Variants in AFP observed in about 807,000 individuals in gnomAD.
The protein encoded by AFP is alpha-fetoprotein.
AFP carries 64 observed loss-of-function variants against 78.9 expected under a neutral mutation model. That is an observed-to-expected ratio of 0.81 (90% CI 0.66 to 1.00). AFP has a LOEUF of 1.00. Among genes scored for constraint, AFP ranks in the 50% least tolerant of loss-of-function variants. The probability of loss-of-function intolerance (pLI) is 0.00; values close to 1 mark genes in which losing one functional copy is unlikely to be tolerated. For missense variants in AFP, 689 were observed against 703.8 expected, an observed-to-expected ratio of 0.98 and a Z score of 0.24; for synonymous variants, 254 against 243.8, an observed-to-expected ratio of 1.04 and a Z score of -0.39.
intron 8 of AFP, among the ~76,000 whole-genome samples, chr4:73,448,968 G>A (rs1719908181): frequency 6.6e-6 from 1 of 152,086 alleles, no homozygotes; most frequent in South Asian, 2.1e-4. Context: ...TCCCTATAAT[G>A]TGTGCTTTTC....
intron 10 of AFP, 38 bp from the exon 11 acceptor site, chr4:73,450,577 T>TG (rs774935010): frequency 1.2e-6 from 2 of 1,613,866 alleles, no homozygotes; most frequent in Admixed American, 3.3e-5. Flanking sequence ...AACTCATGAA[T>TG]GACTCAGCAG....
chr4:73,451,682 C>T (rs1409304171), intron 11 of AFP, among the ~76,000 whole-genome samples: 2 of 152,158 alleles, frequency 1.3e-5, no homozygotes, highest in African/African-American at 2.4e-5. Context: ...CAACTTATGT[C>T]ATTAAGCTTG....
chr4:73,453,053 G>T (rs907642130), intron 12 of AFP, among the ~76,000 whole-genome samples: 1 of 152,060 alleles, frequency 6.6e-6, no homozygotes, highest in Non-Finnish European at 1.5e-5. Context: ...ATGCAGTTTG[G>T]GTGTTAAGAA....
At chr4:73,450,807 A>G in intron 11 of AFP, 54 bp downstream of exon 11, 2 of 1,611,926 alleles carry the variant, frequency 1.2e-6, no homozygotes, top group Non-Finnish European at 1.7e-6. Flanking sequence ...TTGACTTGAA[A>G]TAGCCTCATA....
chr4:73,445,757 G>A (rs1353600061), intron 7 of AFP, among the ~76,000 whole-genome samples: 1 of 152,188 alleles, frequency 6.6e-6, no homozygotes. Context: ...TGTGAATAAA[G>A]TGGTCTCGGA....
chr4:73,436,314 T>A lies in AFP; in HGVS notation c.52T>A (p.Ser18Thr). The A allele has an allele frequency of 1.2e-6, 2 of 1,601,370 alleles. No individual in the cohort carries two copies. The highest frequency in any genetic ancestry group is 1.7e-6 in the Non-Finnish European group (2 of 1,170,744). The change falls in exon 1 of 15, where the codon TCC (serine) becomes ACC (threonine). Residue 18 changes from serine (S) to threonine (T), a missense_variant. Coordinates refer to ENST00000395792, the MANE Select transcript of AFP (RefSeq NM_001134.3). ...AATTTTCCTACTAAATTTTACTGAA[T>A]CCAGAACACTGCATAGAAATGAATA... Reference protein sequence around the residue: ...FLIFLLNFTESRTLHRNEYGI... With the variant: ...FLIFLLNFTETRTLHRNEYGI...
intron 3 of AFP, among the ~76,000 whole-genome samples, 198 bp from the exon 4 acceptor site, chr4:73,440,404 G>A (rs1371125736): frequency 6.6e-6 from 1 of 152,086 alleles, no homozygotes; most frequent in Non-Finnish European, 1.5e-5. Flanking sequence ...TTATTGTTTG[G>A]ACATTAAAGT....
chr4:73,450,259 A>C (rs552927576), intron 10 of AFP, 126 bp downstream of exon 10: 1 of 842,746 alleles, frequency 1.2e-6, no homozygotes, highest in South Asian at 1.6e-5. Flanking sequence ...ATTGACTTTA[A>C]GTTCCCCATA....
chr4:73,437,945 T>A lies in AFP; in HGVS notation c.138-229T>A, dbSNP rs149016294. ...CACTCTTATGGGAAATCCACTTATT[T>A]TAGCCTTTAACATCTATATGTATAT... On this transcript the variant is annotated intron_variant, in intron 2 of 14. Transcript: ENST00000395792. Among the ~76,000 whole-genome samples the A allele has an allele frequency of 8.5e-5, 13 of 152,168 alleles. No individual in the cohort carries two copies. The East Asian group carries it at 2.5e-3, about 29-fold the overall frequency.
chr4:73,437,029 G>A (rs1719528768), intron 1 of AFP, 131 bp from the exon 2 acceptor site: 4 of 721,550 alleles, frequency 5.5e-6, no homozygotes, highest in Admixed American at 2.3e-5. Context: ...AGATGCTTAG[G>A]TTATCCCTAA....
At position 73,455,923 on chromosome 4, in the gene AFP, A is replaced by G; in HGVS notation, c.*303A>G. On this transcript the variant is annotated 3_prime_UTR_variant, in exon 15 of 15. Coordinates refer to ENST00000395792, the MANE Select transcript of AFP (RefSeq NM_001134.3). ...AGCTATCCAAGGATGGATTTACAGC[A>G]CTAGATCACTTGGTGAACTGAAAAA... 1 of 403,214 alleles carries G rather than the reference A, an allele frequency of 2.5e-6. No individual in the cohort carries two copies. The highest frequency in any genetic ancestry group is 3.9e-5 in the South Asian group (1 of 25,508). The allele number at this position is 403,214 out of a possible 1,614,324, so 25.0% of individuals were successfully genotyped here.
chr4:73,447,081 G>A (rs1047413092), intron 7 of AFP, among the ~76,000 whole-genome samples: 1 of 152,086 alleles, frequency 6.6e-6, no homozygotes, highest in African/African-American at 2.4e-5. Flanking sequence ...AGGGATTTGT[G>A]TAGCACTTAG....
chr4:73,446,238 A>T (rs999841182), intron 7 of AFP, among the ~76,000 whole-genome samples: 1 of 152,212 alleles, frequency 6.6e-6, no homozygotes, highest in Non-Finnish European at 1.5e-5. Flanking sequence ...CATACTAGGA[A>T]AACCAACAAG....
chr4:73,443,268 G>A, intron 5 of AFP, 79 bp from the exon 6 acceptor site: 4 of 1,084,300 alleles, frequency 3.7e-6, no homozygotes, highest in Non-Finnish European at 5.7e-6. Context: ...ACCTATACTT[G>A]TTGTTTTTCT....
At chr4:73,455,405 A>C (rs1033691208) in intron 14 of AFP, 115 bp downstream of exon 14, 16 of 879,192 alleles carry the variant, frequency 1.8e-5, no homozygotes, top group East Asian at 1.0e-4. Flanking sequence ...CATGGAATTC[A>C]AAAAAAAGTT....
chr4:73,454,439 T>C (rs1577960714), intron 13 of AFP, among the ~76,000 whole-genome samples: 1 of 152,136 alleles, frequency 6.6e-6, no homozygotes, highest in Non-Finnish European at 1.5e-5. Flanking sequence ...AATTACCTTT[T>C]TTCAGCTTTA....
rs1223628868 is a variant in AFP at position 73,436,298 on chromosome 4, A to G, written c.36A>G (p.Leu12=). 1.2e-6 allele frequency: 2 copies of G among 1,604,478 alleles called. No homozygotes were observed. Among genetic ancestry groups the G allele is most frequent in the Non-Finnish European group, 1.7e-6 (2 of 1,172,814 alleles). ...TGGAATCAATTTTTTTAATTTTCCT[A>G]CTAAATTTTACTGAATCCAGAACAC... The part of the protein sequence containing the change: ...KWVESIFLIF[L]LNFTESRTLH... The change falls in exon 1 of 15, where the codon CTA becomes CTG. Residue 12 remains leucine (L), a synonymous_variant. Coordinates refer to ENST00000395792, the MANE Select transcript of AFP (RefSeq NM_001134.3).
intron 11 of AFP, among the ~76,000 whole-genome samples, chr4:73,452,038 A>G (rs1720007486): frequency 6.6e-6 from 1 of 152,246 alleles, no homozygotes; most frequent in Non-Finnish European, 1.5e-5. Context: ...GATTATCAAA[A>G]GAAAAATGGA....
At chr4:73,447,100 A>G (rs1441975876) in intron 7 of AFP, among the ~76,000 whole-genome samples, 1 of 152,104 alleles carries the variant, frequency 6.6e-6, no homozygotes, top group Non-Finnish European at 1.5e-5. Flanking sequence ...AGGACATTAT[A>G]CTTGATAATT....
Sources: allele counts gnomAD v4.1 joint callset (sites outside exome capture counted in the v4.1 genomes callset), GRCh38; gene constraint gnomAD v4.1.1; transcripts MANE v1.5; gene names NCBI Gene and HGNC (gene_info 2026-07-23, HGNC 2026-07-21).